Variants in SMG7 observed in about 807,000 individuals in gnomAD.
SMG7 encodes the protein SMG7 nonsense mediated mRNA decay factor.
Under a neutral mutation model 148.2 loss-of-function variants are expected in SMG7, and 34 were observed. The observed-to-expected ratio is 0.23, with a 90% CI of 0.17 to 0.31. The LOEUF is 0.31. SMG7 is among the 10% of genes least tolerant of loss of function. The probability of loss-of-function intolerance (pLI) is 1.00; values close to 1 mark genes in which losing one functional copy is unlikely to be tolerated. For synonymous variants in SMG7, 492 were observed against 515.1 expected (o/e 0.96, Z 0.61); for missense variants, 1,114 against 1,408.4 (o/e 0.79, Z 3.35).
intron 1 of SMG7, among the ~76,000 whole-genome samples, chr1:183,510,362 A>G (rs948199447): frequency 6.6e-6 from 1 of 152,156 alleles, no homozygotes. Context: ...TAAATTGTAT[A>G]AACTTAGGTT....
chr1:183,545,439 A>C, intron 16 of SMG7, 127 bp downstream of exon 16: 1 of 1,086,066 alleles, frequency 9.2e-7, no homozygotes, highest in Non-Finnish European at 1.3e-6. Context: ...TTATGGGAAA[A>C]CAAAAGTATT....
In SMG7 at chr1:183,527,241, TATATAA is replaced by T; in HGVS notation, c.484+475_484+480del. 6.6e-6 allele frequency among the ~76,000 whole-genome samples: 1 copy of T among 152,372 alleles called. No homozygotes were observed. Among genetic ancestry groups the T allele is most frequent in the Non-Finnish European group, 1.5e-5 (1 of 68,036 alleles). On this transcript the variant is annotated intron_variant, in intron 5 of 22. Transcript: ENST00000688051. The surrounding 1 kb of genome is among the most constrained non-coding windows in gnomAD (Gnocchi z 4.0). ...TTATTTGCATTTTATCTGGGAATATTATATAACTTATTTATTCTTGTTCATTCCTTT... is the reference window on the plus strand; with the variant it reads ...TTATTTGCATTTTATCTGGGAATATTCTTATTTATTCTTGTTCATTCCTTT...
In SMG7 at chr1:183,552,080, T is replaced by C. The variant is rs1490374539; in HGVS notation, c.*149T>C. On this transcript the variant is annotated 3_prime_UTR_variant, in exon 23 of 23. Coordinates refer to ENST00000688051, the MANE Select transcript of SMG7 (RefSeq NM_001375584.1). ...GTAAGTATTCCACCAGCCCGCTGAG[T>C]GTGCACGAAATGTTCGCAGTGCAAC... is the stretch of plus-strand genomic sequence containing the variant. 3 of 1,327,290 alleles carry C rather than the reference T, an allele frequency of 2.3e-6. No homozygotes were observed. The African/African-American group carries it at 4.5e-5, about 20-fold the overall frequency. The allele number at this position is 1,327,290 out of a possible 1,614,324, so 82.2% of individuals were successfully genotyped here.
chr1:183,500,033 T>C (rs922068808), intron 1 of SMG7, among the ~76,000 whole-genome samples: 3 of 152,188 alleles, frequency 2.0e-5, no homozygotes, highest in African/African-American at 7.2e-5. Flanking sequence ...TAAAAAGGCA[T>C]TGGGTTCATT....
intron 17 of SMG7, 65 bp from the exon 18 acceptor site, chr1:183,547,038 G>A (rs1670046519): frequency 4.9e-6 from 7 of 1,430,810 alleles, no homozygotes; most frequent in Non-Finnish European, 4.7e-6. Context: ...ACCTAATTAT[G>A]CTACTATTCC....
Position 183,552,714 on chromosome 1 carries a change from A to G in SMG7, c.*783A>G. On this transcript the variant is annotated 3_prime_UTR_variant, in exon 23 of 23. Coordinates refer to ENST00000688051, the MANE Select transcript of SMG7 (RefSeq NM_001375584.1). ...GCTGGACTAGCAGGTAGACTGCTGT[A>G]GGATTTCAAATTACGTTTTTGATTC... 1 of 1,285,616 alleles carries G rather than the reference A, an allele frequency of 7.8e-7. No homozygotes were observed. The highest frequency in any genetic ancestry group is 9.9e-7 in the Non-Finnish European group (1 of 1,010,628). 79.6% of individuals were successfully genotyped at this position (1,285,616 alleles called of 1,614,324 possible).
intron 3 of SMG7, 159 bp from the exon 4 acceptor site, chr1:183,517,529 G>A (rs1008565061): frequency 2.2e-5 from 16 of 723,288 alleles, no homozygotes; most frequent in Non-Finnish European, 3.9e-5. Flanking sequence ...CTTGTTCAAA[G>A]GGAAGCATAA....
intron 1 of SMG7, among the ~76,000 whole-genome samples, chr1:183,490,712 A>C (rs1200617569): frequency 6.6e-6 from 1 of 152,220 alleles, no homozygotes; most frequent in Non-Finnish European, 1.5e-5. Flanking sequence ...TGTATAGTTA[A>C]GAATTTTGAC....
Position 183,541,012 on chromosome 1 carries a change from G to C in SMG7, c.1324G>C (p.Gly442Arg). ...CTTGGATTTTTCCAAAGGTCACCAG[G>C]GTATTACAGGGGACAAAGAAGGCCA... is the stretch of plus-strand genomic sequence containing the variant. The part of the protein sequence containing the change: ...RNLDFSKGHQ[G>R]ITGDKEGQQR... Residue 442 changes from glycine to arginine, a missense_variant, in exon 13 of 23, where the codon GGT (glycine) becomes CGT (arginine). This residue lies in a region of SMG7 where 788 missense variants were observed against 894.5 expected (regional missense o/e 0.88). Transcript: ENST00000688051. 2 of 1,613,266 alleles carry C rather than the reference G, an allele frequency of 1.2e-6. No homozygotes were observed. The highest frequency in any genetic ancestry group is 1.7e-6 in the Non-Finnish European group (2 of 1,179,330).
intron 1 of SMG7, among the ~76,000 whole-genome samples, chr1:183,496,010 C>CT (rs1658401491): frequency 6.6e-6 from 1 of 152,292 alleles, no homozygotes; most frequent in Non-Finnish European, 1.5e-5. Flanking sequence ...CTCCAGAATT[C>CT]TGATACTGTG....
At chr1:183,526,874 A>G in intron 5 of SMG7, 107 bp downstream of exon 5, 1 of 880,856 alleles carries the variant, frequency 1.1e-6, no homozygotes, top group Non-Finnish European at 1.7e-6. Flanking sequence ...CACAATTTAG[A>G]TTGTCATAAG....
intron 8 of SMG7, among the ~76,000 whole-genome samples, chr1:183,529,891 A>T (rs1209754134): frequency 6.6e-6 from 1 of 152,128 alleles, no homozygotes; most frequent in Non-Finnish European, 1.5e-5. Context: ...CATTCTCCAA[A>T]CCAAGTTCAT....
At chr1:183,493,513 T>C (rs1214455354) in intron 1 of SMG7, among the ~76,000 whole-genome samples, 1 of 152,194 alleles carries the variant, frequency 6.6e-6, no homozygotes, top group Non-Finnish European at 1.5e-5. Flanking sequence ...TTGGGTAAAA[T>C]GTTCTCTAAA....
At chr1:183,475,208 G>A (rs1168696949) in intron 1 of SMG7, among the ~76,000 whole-genome samples, 1 of 152,066 alleles carries the variant, frequency 6.6e-6, no homozygotes, top group East Asian at 1.9e-4. Context: ...TAGTGTTGAG[G>A]GTACACTGGT....
intron 12 of SMG7, among the ~76,000 whole-genome samples, chr1:183,540,606 C>T (rs895983893): frequency 2.0e-5 from 3 of 152,080 alleles, no homozygotes; most frequent in South Asian, 2.1e-4. Flanking sequence ...CTCAGAGACT[C>T]TTAGCATTGC....
rs925754824 is a variant in SMG7, at chr1:183,527,945, C to T, written c.485-11C>T. The T allele has an allele frequency of 5.0e-6, 8 of 1,610,464 alleles. No individual in the cohort carries two copies. In the African/African-American group the frequency reaches 5.4e-5, roughly 11 times the overall value. ...TTTTGGGTTTTTTAAAACTAATTTT[C>T]TTCTTCTTAGCTCGATACAGAAACC... On this transcript the variant is annotated splice_polypyrimidine_tract_variant and intron_variant, in intron 5 of 22. Transcript: ENST00000688051. This position sits in a 1 kb window ranked among gnomAD's most constrained non-coding sequence, Gnocchi z 4.0.
chr1:183,512,353 A>G (rs1034439999), intron 1 of SMG7, among the ~76,000 whole-genome samples: 7 of 152,210 alleles, frequency 4.6e-5, no homozygotes, highest in Admixed American at 3.9e-4. Context: ...GTACATATTT[A>G]GTAAGTGGGA....
At position 183,487,666 on chromosome 1, in the gene SMG7, G is replaced by A. The variant is rs921690981; in HGVS notation, c.29+15017G>A. ...CTCATGCTGGCCCTATTGGAAATTGGATGTGCTTGCTGCTGCTATCCAGAA... is the reference window on the plus strand; with the variant it reads ...CTCATGCTGGCCCTATTGGAAATTGAATGTGCTTGCTGCTGCTATCCAGAA... On this transcript the variant is annotated intron_variant, in intron 1 of 22. Coordinates refer to ENST00000688051, the MANE Select transcript of SMG7 (RefSeq NM_001375584.1). Among the ~76,000 whole-genome samples the A allele has an allele frequency of 2.0e-5, 3 of 152,190 alleles. No homozygotes were observed. In the East Asian group the frequency reaches 5.8e-4, roughly 29 times the overall value.
intron 1 of SMG7, among the ~76,000 whole-genome samples, chr1:183,474,418 G>T (rs563905700): frequency 5.3e-5 from 8 of 152,164 alleles, no homozygotes; most frequent in East Asian, 1.9e-4. Flanking sequence ...CAAAAAATTA[G>T]CTGGGCATGG....
Sources: allele counts gnomAD v4.1 joint callset (sites outside exome capture counted in the v4.1 genomes callset), GRCh38; gene constraint gnomAD v4.1.1; regional missense constraint gnomAD v4.1.1; non-coding constraint Gnocchi (gnomAD v3.1); transcripts MANE v1.5; gene names NCBI Gene and HGNC (gene_info 2026-07-23, HGNC 2026-07-21).